Variants in KPNA5 observed in about 807,000 individuals in gnomAD.
The protein encoded by KPNA5 is importin subunit alpha-6.
KPNA5 carries 46 observed loss-of-function variants against 71.3 expected under a neutral mutation model. The ratio of observed to expected loss-of-function variants is 0.65; its 90% confidence interval spans 0.51 to 0.83. The LOEUF is 0.83. Among genes scored for constraint, KPNA5 ranks in the 40% least tolerant of loss-of-function variants. The probability of loss-of-function intolerance (pLI) is 0.00; values close to 1 mark genes in which losing one functional copy is unlikely to be tolerated. For synonymous variants in KPNA5, 207 were observed against 201.4 expected, an observed-to-expected ratio of 1.03 and a Z score of -0.24; for missense variants, 547 against 628.3, an observed-to-expected ratio of 0.87 and a Z score of 1.38.
chr6:116,685,221 A>G (rs1562424436), intron 1 of KPNA5, among the ~76,000 whole-genome samples: 1 of 152,204 alleles, frequency 6.6e-6, no homozygotes, highest in African/African-American at 2.4e-5. Context: ...AGATGCCAAC[A>G]ATGTGGACGA....
In KPNA5 at chr6:116,702,119, T is replaced by A; in HGVS notation, c.536T>A (p.Leu179His). 1 of 1,614,010 alleles carries A rather than the reference T, an allele frequency of 6.2e-7. No homozygotes were observed. The highest frequency in any genetic ancestry group is 8.5e-7 in the Non-Finnish European group (1 of 1,179,948). Residue 179 changes from leucine to histidine, a missense_variant, in exon 6 of 14, where the codon CTT becomes CAT. By Grantham distance (99) the Leu-to-His change is moderately conservative. Transcript: ENST00000368564. ...TGAVPIFIKLLNSEHEDVQEQ... is the reference protein window; with the variant it reads ...TGAVPIFIKLHNSEHEDVQEQ... ...GCTGTTCCGATTTTTATCAAACTTC[T>A]TAATTCTGAACATGAAGATGTTCAG...
chr6:116,693,905 A>C (rs1156835633), intron 4 of KPNA5, among the ~76,000 whole-genome samples: 2 of 151,814 alleles, frequency 1.3e-5, no homozygotes. Context: ...TCTTGAATTA[A>C]TTTTTGTATA....
chr6:116,681,354 C>A lies in KPNA5; in HGVS notation c.4+16C>A, dbSNP rs1583391713. ...ACATTAATGGGTAAGTTGGAGTGAA[C>A]ACGGGCTAGGTTGGGGGAGCCTCGG... is the stretch of plus-strand genomic sequence containing the variant. On this transcript the variant is annotated intron_variant, in intron 1 of 13. Transcript: ENST00000368564. The A allele has an allele frequency of 1.3e-6, 2 of 1,592,458 alleles. No homozygotes were observed. Among genetic ancestry groups the A allele is most frequent in the Non-Finnish European group, 8.6e-7 (1 of 1,167,776 alleles).
intron 9 of KPNA5, 131 bp from the exon 10 acceptor site, chr6:116,724,166 T>A: frequency 1.7e-6 from 1 of 581,626 alleles, no homozygotes; most frequent in Non-Finnish European, 3.1e-6. Context: ...ATAAAGATTA[T>A]CAGAATAATT....
chr6:116,705,242 C>A, intron 7 of KPNA5, 82 bp downstream of exon 7: 2 of 1,067,574 alleles, frequency 1.9e-6, no homozygotes, highest in South Asian at 1.5e-5. Context: ...GTTCTTCAGT[C>A]ATACTTGTAA....
At chr6:116,715,199 T>A (rs1778839415) in intron 7 of KPNA5, among the ~76,000 whole-genome samples, 1 of 152,168 alleles carries the variant, frequency 6.6e-6, no homozygotes, top group Non-Finnish European at 1.5e-5. Context: ...ACCTAGGTTC[T>A]TTGTACTTCT....
At chr6:116,689,864 C>T (rs187960180) in intron 2 of KPNA5, among the ~76,000 whole-genome samples, 1 of 152,296 alleles carries the variant, frequency 6.6e-6, no homozygotes, top group African/African-American at 2.4e-5. Flanking sequence ...ACTGTTCCCC[C>T]ATTGTCTTAT....
rs1184123704 is a variant in KPNA5, at chr6:116,737,098, A to T, written c.*4775A>T. 1 of 151,910 alleles carries T rather than the reference A, an allele frequency of 6.6e-6. No homozygotes were observed. Among genetic ancestry groups the T allele is most frequent in the Non-Finnish European group, 1.5e-5 (1 of 67,914 alleles). The allele number at this position is 151,910 out of a possible 1,614,324, so 9.4% of individuals were successfully genotyped here. The stretch of plus-strand genomic sequence containing the variant: ...TACATGTTTGGATATTGAATTTCCC[A>T]TATTTGTTCTTCTTAACACAAGTTA... On this transcript the variant is annotated 3_prime_UTR_variant, in exon 14 of 14. Coordinates refer to ENST00000368564, the MANE Select transcript of KPNA5 (RefSeq NM_001366306.2).
chr6:116,681,234 C>G lies in KPNA5; in HGVS notation c.-101C>G, dbSNP rs1777338782. 1 of 1,534,220 alleles carries G rather than the reference C, an allele frequency of 6.5e-7. No homozygotes were observed. The highest frequency in any genetic ancestry group is 1.4e-5 in the African/African-American group (1 of 72,310). On this transcript the variant is annotated 5_prime_UTR_variant, in exon 1 of 14. Coordinates refer to ENST00000368564, the MANE Select transcript of KPNA5 (RefSeq NM_001366306.2). ...CCATCTTGGATTGCGAACTGGGTCG[C>G]TACGCTTCACGCCAGGGGCGGAGTG...
intron 5 of KPNA5, among the ~76,000 whole-genome samples, chr6:116,701,183 A>G (rs1413383716): frequency 6.6e-6 from 1 of 152,262 alleles, no homozygotes; most frequent in South Asian, 2.1e-4. Flanking sequence ...ATTTTTTGTT[A>G]CTTATAATGA....
chr6:116,725,928 T>C (rs778013703), intron 11 of KPNA5, 52 bp downstream of exon 11: 1 of 1,556,796 alleles, frequency 6.4e-7, no homozygotes, highest in Non-Finnish European at 8.6e-7. Context: ...AGAAGCCAGT[T>C]TGGACAAAAG....
intron 1 of KPNA5, among the ~76,000 whole-genome samples, chr6:116,683,513 G>T (rs985929414): frequency 1.7e-4 from 26 of 152,040 alleles, no homozygotes; most frequent in Non-Finnish European, 3.2e-4. Flanking sequence ...GCTTTTTATA[G>T]ATATAAAATA....
intron 7 of KPNA5, among the ~76,000 whole-genome samples, chr6:116,714,798 G>A (rs1778823075): frequency 6.6e-6 from 1 of 152,128 alleles, no homozygotes; most frequent in Admixed American, 6.5e-5. Flanking sequence ...GCAAAACAAA[G>A]GCAAGCCCTT....
At chr6:116,684,394 T>C (rs1777489325) in intron 1 of KPNA5, among the ~76,000 whole-genome samples, 1 of 152,180 alleles carries the variant, frequency 6.6e-6, no homozygotes, top group Non-Finnish European at 1.5e-5. Flanking sequence ...TCTCACTATC[T>C]TTACCAGTGA....
intron 10 of KPNA5, 124 bp downstream of exon 10, chr6:116,724,499 A>AATTGTGTGTGTG (rs1349723127): frequency 3.3e-6 from 2 of 608,432 alleles, no homozygotes; most frequent in Non-Finnish European, 5.9e-6. Flanking sequence ...GTGTGTCTGT[A>AATTGTGTGTGTG]TCTGTGTCTT....
chr6:116,703,305 C>T (rs907955509), intron 6 of KPNA5, among the ~76,000 whole-genome samples: 1 of 151,646 alleles, frequency 6.6e-6, no homozygotes, highest in African/African-American at 2.4e-5. Flanking sequence ...TCTCGTCCCC[C>T]ACGCTGGAAT....
At position 116,689,310 on chromosome 6, in the gene KPNA5, T is replaced by G; in HGVS notation, c.5-10T>G. ...TATCAGTGTCTGTTTTCTTTTCTCC[T>G]TCCTTTAAGATGCCATGGCTAGTCC... On this transcript the variant is annotated splice_polypyrimidine_tract_variant and intron_variant, in intron 1 of 13. Coordinates refer to ENST00000368564, the MANE Select transcript of KPNA5 (RefSeq NM_001366306.2). The G allele has an allele frequency of 1.3e-6, 2 of 1,597,436 alleles. No homozygotes were observed. The highest frequency in any genetic ancestry group is 1.7e-6 in the Non-Finnish European group (2 of 1,175,660).
intron 13 of KPNA5, among the ~76,000 whole-genome samples, chr6:116,731,630 C>A (rs1317725935): frequency 1.3e-5 from 2 of 151,910 alleles, no homozygotes; most frequent in Non-Finnish European, 2.9e-5. Flanking sequence ...TTAAACCGCA[C>A]AACAGCCATA....
At position 116,693,257 on chromosome 6, in the gene KPNA5, A is replaced by G. The variant is rs372627848; in HGVS notation, c.340+865A>G. On this transcript the variant is annotated intron_variant, in intron 4 of 13. Coordinates refer to ENST00000368564, the MANE Select transcript of KPNA5 (RefSeq NM_001366306.2). ...ATCCTTTGGGTATATACCCAGTAAT[A>G]GGATGGCTGGGTCAAATGGTATTTC... 7.9e-5 allele frequency among the ~76,000 whole-genome samples: 12 copies of G among 152,268 alleles called. No individual in the cohort carries two copies. In the East Asian group the frequency reaches 1.3e-3, roughly 17 times the overall value.
Sources: allele counts gnomAD v4.1 joint callset (sites outside exome capture counted in the v4.1 genomes callset), GRCh38; gene constraint gnomAD v4.1.1; transcripts MANE v1.5; gene names NCBI Gene and HGNC (gene_info 2026-07-23, HGNC 2026-07-21).